Variants in UNC5C observed in about 807,000 individuals in gnomAD.
The protein encoded by UNC5C is netrin receptor UNC5C.
UNC5C carries 47 observed loss-of-function variants against 99.8 expected under a neutral mutation model. The observed-to-expected ratio is 0.47, with a 90% confidence interval of 0.37 to 0.60. The LOEUF (loss-of-function observed/expected upper bound fraction) is 0.60. Ranked by LOEUF, UNC5C falls within the 20% of genes least tolerant of loss-of-function variation. The pLI is 0.00. For missense variants in UNC5C, 1,062 were observed against 1,165.9 expected (o/e 0.91, Z 1.30); for synonymous variants, 487 against 452.2 (o/e 1.08, Z -0.98).
chr4:95,511,304 T>A (rs1722065436), intron 1 of UNC5C, among the ~76,000 whole-genome samples: 1 of 21,216 alleles, frequency 4.7e-5, no homozygotes, highest in African/African-American at 2.0e-4. Flanking sequence ...TTGCTTTTGT[T>A]AATATCGGGT....
At chr4:95,184,682 C>A (rs574435656) in intron 13 of UNC5C, among the ~76,000 whole-genome samples, 37 of 152,266 alleles carry the variant, frequency 2.4e-4, no homozygotes, top group African/African-American at 8.9e-4. Context: ...AAGGCTGAAG[C>A]CTAATTTGTG....
chr4:95,173,217 C>T (rs77172517), intron 14 of UNC5C, among the ~76,000 whole-genome samples: 50,967 of 130,362 alleles, frequency 0.39, 9,947 homozygotes, highest in Admixed American at 0.52. Context: ...CTTTTCCTAA[C>T]TGAATACCCT....
At chr4:95,221,015 A>G (rs1018693199) in intron 7 of UNC5C, among the ~76,000 whole-genome samples, 5 of 152,182 alleles carry the variant, frequency 3.3e-5, no homozygotes, top group Non-Finnish European at 7.3e-5. Flanking sequence ...TGACCAACAC[A>G]GTGTGTCAGT....
chr4:95,467,222 C>A (rs1747809281), intron 1 of UNC5C, among the ~76,000 whole-genome samples: 1 of 152,134 alleles, frequency 6.6e-6, no homozygotes, highest in South Asian at 2.1e-4. Context: ...CCCTCAGAAC[C>A]AGTGTTGAAA....
chr4:95,201,732 T>C (rs1055585181), intron 12 of UNC5C, among the ~76,000 whole-genome samples: 3 of 151,958 alleles, frequency 2.0e-5, no homozygotes, highest in African/African-American at 4.8e-5. Flanking sequence ...GCCTCCTGAG[T>C]AGCTGGGACT....
At chr4:95,286,794 T>A (rs1277813111) in intron 3 of UNC5C, among the ~76,000 whole-genome samples, 1 of 152,162 alleles carries the variant, frequency 6.6e-6, no homozygotes, top group African/African-American at 2.4e-5. Context: ...ATGGTGCCAA[T>A]AGGAATGCAG....
intron 1 of UNC5C, among the ~76,000 whole-genome samples, chr4:95,546,788 GATT>G (rs1176272846): frequency 6.6e-6 from 1 of 152,072 alleles, no homozygotes; most frequent in Non-Finnish European, 1.5e-5. Context: ...TCTGCTGTTT[GATT>G]ATCTTTATTG....
chr4:95,332,421 T>G (rs973905718), intron 2 of UNC5C, among the ~76,000 whole-genome samples: 1 of 146,462 alleles, frequency 6.8e-6, no homozygotes, highest in African/African-American at 2.5e-5. Flanking sequence ...ATGCCACATA[T>G]CTACAACTAT....
At chr4:95,403,559 GTAAATATTT>G (rs1389014114) in intron 1 of UNC5C, among the ~76,000 whole-genome samples, 6 of 152,166 alleles carry the variant, frequency 3.9e-5, no homozygotes, top group Non-Finnish European at 8.8e-5. Context: ...GGGAGCCATT[GTAAATATTT>G]TAAATATAAT....
At chr4:95,454,876 C>T (rs1040219500) in intron 1 of UNC5C, among the ~76,000 whole-genome samples, 2 of 151,982 alleles carry the variant, frequency 1.3e-5, no homozygotes, top group African/African-American at 2.4e-5. Context: ...GATCGCTGAA[C>T]ATTTCTAATT....
chr4:95,183,372 T>C (rs1417285118), intron 13 of UNC5C, among the ~76,000 whole-genome samples: 5 of 109,158 alleles, frequency 4.6e-5, no homozygotes, highest in East Asian at 2.6e-4. Flanking sequence ...ACAGGAACCA[T>C]TGTAAATGAT....
At chr4:95,473,429 T>G (rs886087077) in intron 1 of UNC5C, among the ~76,000 whole-genome samples, 8 of 152,152 alleles carry the variant, frequency 5.3e-5, no homozygotes, top group Non-Finnish European at 1.2e-4. Context: ...GCTTGCTGCT[T>G]CTTTGTATTT....
At chr4:95,478,871 G>A (rs112192635) in intron 1 of UNC5C, among the ~76,000 whole-genome samples, 3,054 of 151,668 alleles carry the variant, frequency 0.02, 103 homozygotes, top group African/African-American at 0.07. Flanking sequence ...CCTTTATCAT[G>A]GTAATCAGCA....
chr4:95,357,538 T>C (rs2149432995), intron 1 of UNC5C, among the ~76,000 whole-genome samples: 1 of 152,128 alleles, frequency 6.6e-6, no homozygotes, highest in South Asian at 2.1e-4. Flanking sequence ...ATCCCAGCAC[T>C]TTGGGAGGCT....
intron 1 of UNC5C, among the ~76,000 whole-genome samples, chr4:95,452,387 C>T (rs1329094529): frequency 1.3e-5 from 2 of 152,064 alleles, no homozygotes; most frequent in African/African-American, 4.8e-5. Flanking sequence ...TCATTCTACA[C>T]GTCCAGAGGT....
chr4:95,444,981 T>C (rs1246231946), intron 1 of UNC5C, among the ~76,000 whole-genome samples: 1 of 152,216 alleles, frequency 6.6e-6, no homozygotes, highest in Non-Finnish European at 1.5e-5. Context: ...TAATAATGTC[T>C]GAGGGAACTA....
intron 1 of UNC5C, among the ~76,000 whole-genome samples, chr4:95,541,858 A>G (rs1314391789): frequency 6.6e-6 from 1 of 152,210 alleles, no homozygotes; most frequent in Non-Finnish European, 1.5e-5. Context: ...AATAGAGTTC[A>G]GGCAGTCCAT....
intron 1 of UNC5C, among the ~76,000 whole-genome samples, chr4:95,458,675 G>T (rs1475955175): frequency 6.6e-6 from 1 of 151,944 alleles, no homozygotes; most frequent in Non-Finnish European, 1.5e-5. Context: ...TGTCACACAG[G>T]TAATAGGTAC....
chr4:95,470,769 C>T (rs547107656), intron 1 of UNC5C, among the ~76,000 whole-genome samples: 14 of 152,062 alleles, frequency 9.2e-5, no homozygotes, highest in Admixed American at 4.6e-4. Flanking sequence ...TATTTTTAAA[C>T]GATAAAGAAA....
Sources: gnomAD v4.1 joint callset for allele counts (sites outside exome capture counted in the v4.1 genomes callset) on GRCh38, gnomAD v4.1.1 for gene constraint, MANE v1.5 for transcripts, NCBI Gene and HGNC (gene_info 2026-07-23, HGNC 2026-07-21) for gene names.